Variants in JPH1 observed in about 807,000 individuals in gnomAD.
JPH1 encodes junctophilin 1, also known as junctophilin-1.
In JPH1, 12 loss-of-function variants were observed where a neutral mutation model predicts 53.6. The ratio of observed to expected loss-of-function variants is 0.22; its 90% CI spans 0.14 to 0.36. JPH1 has a LOEUF of 0.36. JPH1 is among the 10% of genes least tolerant of loss of function. The pLI is 1.00. For synonymous variants in JPH1, 375 were observed against 363.8 expected, an observed-to-expected ratio of 1.03 and a Z score of -0.35; for missense variants, 808 against 905.5, an observed-to-expected ratio of 0.89 and a Z score of 1.38.
At position 74,320,449 on chromosome 8, in the gene JPH1, GC is replaced by G; in HGVS notation, c.379+459del. ...ACTCCACGTGAAACCAATCCCGGGA[GC>G]GGTCAGCACGGACCGCCAACCTCAC... is the stretch of plus-strand genomic sequence containing the variant. On this transcript the variant is annotated intron_variant, in intron 1 of 5. Transcript: ENST00000342232. This position sits in a 1 kb window ranked among gnomAD's most constrained non-coding sequence, Gnocchi z 4.4. 6.6e-6 allele frequency among the ~76,000 whole-genome samples: 1 copy of G among 152,288 alleles called. No individual in the cohort carries two copies. Among genetic ancestry groups the G allele is most frequent in the East Asian group, 1.9e-4 (1 of 5,166 alleles).
chr8:74,301,767 C>T (rs1421758512), intron 2 of JPH1, among the ~76,000 whole-genome samples: 1 of 152,170 alleles, frequency 6.6e-6, no homozygotes, highest in Middle Eastern at 3.2e-3. Flanking sequence ...TTAGAATTTA[C>T]CATGTTATAC....
chr8:74,259,524 C>T (rs372360597), intron 2 of JPH1, 21 bp from the exon 3 acceptor site: 61 of 1,526,170 alleles, frequency 4.0e-5, no homozygotes, highest in Admixed American at 5.9e-5. Flanking sequence ...CACAAAAGGA[C>T]GAGTCAGCAT....
At chr8:74,257,571 A>G (rs1806274887) in intron 3 of JPH1, among the ~76,000 whole-genome samples, 1 of 152,138 alleles carries the variant, frequency 6.6e-6, no homozygotes, top group Non-Finnish European at 1.5e-5. Flanking sequence ...GGAGAGAACA[A>G]TTTCTCCTGG....
At chr8:74,244,034 G>A (rs1311053706) in intron 4 of JPH1, among the ~76,000 whole-genome samples, 1 of 152,176 alleles carries the variant, frequency 6.6e-6, no homozygotes, top group African/African-American at 2.4e-5. Context: ...TCCAAACTAC[G>A]TATGTATGAG....
intron 2 of JPH1, among the ~76,000 whole-genome samples, chr8:74,285,178 T>G (rs1255048919): frequency 6.6e-6 from 1 of 152,126 alleles, no homozygotes; most frequent in East Asian, 1.9e-4. Context: ...CATTATGGTG[T>G]TGTAAAGAGC....
intron 2 of JPH1, among the ~76,000 whole-genome samples, chr8:74,295,531 C>T (rs1416603916): frequency 1.3e-5 from 2 of 152,160 alleles, no homozygotes; most frequent in South Asian, 2.1e-4. Context: ...CTCACATATA[C>T]TTGATCTCAT....
intron 2 of JPH1, among the ~76,000 whole-genome samples, chr8:74,260,165 T>C (rs1441545303): frequency 6.6e-6 from 1 of 152,234 alleles, no homozygotes; most frequent in Admixed American, 6.5e-5. Flanking sequence ...GGAGCCCATT[T>C]AGCTGACTTT....
intron 3 of JPH1, among the ~76,000 whole-genome samples, chr8:74,251,142 A>G (rs570629525): frequency 4.6e-5 from 7 of 152,260 alleles, no homozygotes; most frequent in African/African-American, 1.7e-4. Context: ...CCTTCCCCAT[A>G]ATAGAAACGT....
chr8:74,250,320 A>G (rs559154393), intron 3 of JPH1, among the ~76,000 whole-genome samples: 2 of 152,104 alleles, frequency 1.3e-5, no homozygotes, highest in African/African-American at 2.4e-5. Flanking sequence ...TTTAGTGGAG[A>G]TGGGGTTTCA....
intron 2 of JPH1, among the ~76,000 whole-genome samples, chr8:74,293,740 A>G (rs572030177): frequency 2.6e-5 from 4 of 152,254 alleles, no homozygotes; most frequent in Non-Finnish European, 5.9e-5. Flanking sequence ...TTGACTTACC[A>G]CTTCTCCTTC....
intron 3 of JPH1, among the ~76,000 whole-genome samples, chr8:74,256,744 A>G (rs1377391913): frequency 6.6e-6 from 1 of 152,246 alleles, no homozygotes; most frequent in African/African-American, 2.4e-5. Flanking sequence ...GGCGATCATT[A>G]AAAAGTCAGG....
intron 2 of JPH1, among the ~76,000 whole-genome samples, chr8:74,285,877 T>C (rs1224215201): frequency 6.6e-6 from 1 of 152,250 alleles, no homozygotes; most frequent in Non-Finnish European, 1.5e-5. Flanking sequence ...GAAAAAGTTT[T>C]ATGAAGATAC....
chr8:74,272,896 G>T (rs529233042), intron 2 of JPH1, among the ~76,000 whole-genome samples: 47 of 152,012 alleles, frequency 3.1e-4, no homozygotes, highest in Admixed American at 7.9e-4. Context: ...GAGCCACCGC[G>T]CCCGGCCGGA....
At chr8:74,252,653 T>A (rs979871128) in intron 3 of JPH1, among the ~76,000 whole-genome samples, 1 of 151,966 alleles carries the variant, frequency 6.6e-6, no homozygotes, top group Non-Finnish European at 1.5e-5. Context: ...GAAACCCATC[T>A]CACGTGCAGA....
Position 74,320,283 on chromosome 8 carries a change from A to G in JPH1, c.379+626T>C, listed in dbSNP as rs1808276461. Among the ~76,000 whole-genome samples the G allele has an allele frequency of 6.6e-6, 1 of 152,174 alleles. No homozygotes were observed. Among genetic ancestry groups the G allele is most frequent in the African/African-American group, 2.4e-5 (1 of 41,448 alleles). ...TAGGAACTCACACACTCTGAACTCCACCTGCATCAGGTGGCCTTTCTGCTC... is the reference window on the plus strand; with the variant it reads ...TAGGAACTCACACACTCTGAACTCCGCCTGCATCAGGTGGCCTTTCTGCTC... On this transcript the variant is annotated intron_variant, in intron 1 of 5. Coordinates refer to ENST00000342232, the MANE Select transcript of JPH1 (RefSeq NM_020647.4). This position sits in a 1 kb window ranked among gnomAD's most constrained non-coding sequence, Gnocchi z 4.4.
intron 3 of JPH1, among the ~76,000 whole-genome samples, chr8:74,257,476 C>T (rs1414747223): frequency 6.6e-6 from 1 of 152,186 alleles, no homozygotes; most frequent in Non-Finnish European, 1.5e-5. Context: ...CTGCAGACAA[C>T]AGTAAGTTTG....
intron 2 of JPH1, among the ~76,000 whole-genome samples, chr8:74,291,985 T>C (rs1329875327): frequency 1.3e-5 from 2 of 152,050 alleles, no homozygotes; most frequent in Admixed American, 6.5e-5. Context: ...ATGAGAACAC[T>C]TGTACACAGA....
intron 2 of JPH1, among the ~76,000 whole-genome samples, chr8:74,294,165 G>A (rs865837834): frequency 5.9e-5 from 9 of 152,324 alleles, no homozygotes; most frequent in Admixed American, 1.3e-4. Flanking sequence ...TTATGTGAAT[G>A]TGCTCTACAG....
chr8:74,313,922 C>T (rs1482732229), intron 2 of JPH1, among the ~76,000 whole-genome samples: 1 of 152,192 alleles, frequency 6.6e-6, no homozygotes, highest in Non-Finnish European at 1.5e-5. Flanking sequence ...ATATCCTTCC[C>T]TAATAGAACT....
Sources: gnomAD v4.1 joint callset for allele counts (sites outside exome capture counted in the v4.1 genomes callset) on GRCh38, gnomAD v4.1.1 for gene constraint, Gnocchi (gnomAD v3.1) non-coding constraint, MANE v1.5 for transcripts, NCBI Gene and HGNC (gene_info 2026-07-23, HGNC 2026-07-21) for gene names.